Variants in RETREG1 observed in about 807,000 individuals in gnomAD.
The protein encoded by RETREG1 is reticulophagy regulator 1.
RETREG1 carries 44 observed loss-of-function variants against 54.8 expected under a neutral mutation model. The observed-to-expected ratio is 0.80, with a 90% CI of 0.63 to 1.03. The LOEUF is 1.03. Ranked by LOEUF, RETREG1 falls within the 50% of genes least tolerant of loss-of-function variation. The probability of loss-of-function intolerance (pLI) is 0.00; values close to 1 mark genes in which losing one functional copy is unlikely to be tolerated. For missense variants in RETREG1, 554 were observed against 605.1 expected, an observed-to-expected ratio of 0.92 and a Z score of 0.89; for synonymous variants, 217 against 238.5, an observed-to-expected ratio of 0.91 and a Z score of 0.83.
At chr5:16,615,062 A>C (rs1743453426) in intron 1 of RETREG1, among the ~76,000 whole-genome samples, 1 of 152,208 alleles carries the variant, frequency 6.6e-6, no homozygotes, top group East Asian at 1.9e-4. Context: ...GCACTGTGAG[A>C]CTGTATTAGT....
chr5:16,479,011 G>C, intron 5 of RETREG1, 24 bp from the exon 6 acceptor site: 1 of 1,609,344 alleles, frequency 6.2e-7, no homozygotes, highest in Non-Finnish European at 8.5e-7. Flanking sequence ...GAGAGCAGAG[G>C]TAAAATGCCT....
intron 3 of RETREG1, among the ~76,000 whole-genome samples, chr5:16,537,441 G>A (rs1011271936): frequency 6.6e-6 from 1 of 152,214 alleles, no homozygotes; most frequent in Non-Finnish European, 1.5e-5. Context: ...GTGTGTGTAT[G>A]GTGTGTGGAT....
intron 3 of RETREG1, among the ~76,000 whole-genome samples, chr5:16,501,699 T>C (rs1360737069): frequency 6.7e-6 from 1 of 149,792 alleles, no homozygotes; most frequent in East Asian, 2.1e-4. Flanking sequence ...TGTACCACCA[T>C]GCCCAGCTAA....
intron 3 of RETREG1, among the ~76,000 whole-genome samples, chr5:16,525,207 C>G (rs936993407): frequency 6.7e-6 from 1 of 149,094 alleles, no homozygotes; most frequent in African/African-American, 2.5e-5. Context: ...TGTCCTCTGG[C>G]CCCTGCAGGT....
At chr5:16,506,379 T>C (rs1312070283) in intron 3 of RETREG1, among the ~76,000 whole-genome samples, 1 of 152,190 alleles carries the variant, frequency 6.6e-6, no homozygotes, top group African/African-American at 2.4e-5. Flanking sequence ...CAGTTATTTC[T>C]CTTTCAGACA....
intron 3 of RETREG1, among the ~76,000 whole-genome samples, chr5:16,554,875 G>A (rs914702288): frequency 5.3e-5 from 8 of 152,084 alleles, no homozygotes; most frequent in African/African-American, 1.9e-4. Context: ...CCGGGCCTTG[G>A]GGCCTTTGCA....
intron 1 of RETREG1, among the ~76,000 whole-genome samples, chr5:16,598,869 T>C (rs1579720035): frequency 1.3e-5 from 2 of 152,130 alleles, no homozygotes; most frequent in East Asian, 3.9e-4. Context: ...CATTCACAAA[T>C]CATGCTCTAT....
intron 4 of RETREG1, among the ~76,000 whole-genome samples, chr5:16,481,799 C>T (rs1415243888): frequency 6.6e-6 from 1 of 151,974 alleles, no homozygotes; most frequent in Non-Finnish European, 1.5e-5. Context: ...TTAAAAACAT[C>T]AGAAAATATC....
chr5:16,608,210 T>C (rs542415211), intron 1 of RETREG1, among the ~76,000 whole-genome samples: 4 of 152,134 alleles, frequency 2.6e-5, no homozygotes, highest in Admixed American at 6.6e-5. Context: ...AGCCCCACCT[T>C]ATTCACCATA....
At chr5:16,613,177 C>G (rs552639090) in intron 1 of RETREG1, among the ~76,000 whole-genome samples, 4 of 152,244 alleles carry the variant, frequency 2.6e-5, no homozygotes, top group African/African-American at 7.2e-5. Flanking sequence ...CTACTGCCCC[C>G]ACAAACCACC....
intron 3 of RETREG1, among the ~76,000 whole-genome samples, chr5:16,527,227 G>T (rs1167340772): frequency 6.6e-6 from 1 of 152,226 alleles, no homozygotes; most frequent in African/African-American, 2.4e-5. Flanking sequence ...CACAGAGCTT[G>T]TAAATTGGGG....
rs185895095 is a variant in RETREG1 at position 16,529,747 on chromosome 5, G to A, written c.458+36016C>T. Among the ~76,000 whole-genome samples, 4 of 152,232 alleles carry A rather than the reference G, an allele frequency of 2.6e-5. No homozygotes were observed. In the East Asian group the frequency reaches 7.7e-4, roughly 29 times the overall value. ...TTTTTACATCCTTAATTGCACCAGT[G>A]CGTGTTTTTCAGTCCAACCCAGAGT... On this transcript the variant is annotated intron_variant, in intron 3 of 8. Coordinates refer to ENST00000306320, the MANE Select transcript of RETREG1 (RefSeq NM_001034850.3).
chr5:16,518,582 T>C (rs1325748284), intron 3 of RETREG1, among the ~76,000 whole-genome samples: 1 of 152,088 alleles, frequency 6.6e-6, no homozygotes, highest in Non-Finnish European at 1.5e-5. Context: ...AGAAAAAAGA[T>C]TACTTTTAAA....
chr5:16,481,214 C>G (rs1391225396), intron 4 of RETREG1, 121 bp from the exon 5 acceptor site: 1 of 769,180 alleles, frequency 1.3e-6, no homozygotes, highest in African/African-American at 1.7e-5. Context: ...CTGGTTATTA[C>G]AGATTTTTTC....
intron 3 of RETREG1, among the ~76,000 whole-genome samples, chr5:16,497,201 C>T (rs1739497882): frequency 6.6e-6 from 1 of 152,142 alleles, no homozygotes; most frequent in African/African-American, 2.4e-5. Flanking sequence ...AAAATGCCTC[C>T]ATTTTCCAGA....
chr5:16,553,466 T>G lies in RETREG1; in HGVS notation c.458+12297A>C, dbSNP rs551948703. 5.9e-5 allele frequency among the ~76,000 whole-genome samples: 9 copies of G among 152,178 alleles called. No homozygotes were observed. The South Asian group carries it at 1.9e-3, about 31-fold the overall frequency. ...TTCATACTTGGTTTAAATATATACA[T>G]GTTTATATTTTGTTTAAATATATAT... On this transcript the variant is annotated intron_variant, in intron 3 of 8. Transcript: ENST00000306320.
chr5:16,566,593 G>T lies in RETREG1; in HGVS notation c.428-800C>A, dbSNP rs371041080. Among the ~76,000 whole-genome samples, 170 of 152,334 alleles carry T rather than the reference G, an allele frequency of 1.1e-3. 1 individual carries two copies. Among genetic ancestry groups the T allele is most frequent in the African/African-American group, 3.8e-3 (159 of 41,574 alleles). On this transcript the variant is annotated intron_variant, in intron 2 of 8. Coordinates refer to ENST00000306320, the MANE Select transcript of RETREG1 (RefSeq NM_001034850.3). ...TGTTTTTCAATATCCCCTATCGAGA[G>T]CTATGGGATAAATCCTTCTTAACCT... is the stretch of plus-strand genomic sequence containing the variant.
intron 1 of RETREG1, among the ~76,000 whole-genome samples, chr5:16,577,396 G>A (rs1010480362): frequency 6.6e-6 from 1 of 151,520 alleles, no homozygotes; most frequent in Non-Finnish European, 1.5e-5. Flanking sequence ...TTGCACTATT[G>A]GCAGCCACAG....
At chr5:16,489,580 C>G (rs1336655577) in intron 3 of RETREG1, among the ~76,000 whole-genome samples, 1 of 152,200 alleles carries the variant, frequency 6.6e-6, no homozygotes, top group African/African-American at 2.4e-5. Context: ...TGAATCTTGG[C>G]ATAGAAGAAA....
Sources: allele counts gnomAD v4.1 joint callset (sites outside exome capture counted in the v4.1 genomes callset), GRCh38; gene constraint gnomAD v4.1.1; transcripts MANE v1.5; gene names NCBI Gene and HGNC (gene_info 2026-07-23, HGNC 2026-07-21).